The following GBE1 variants were observed in gnomAD, a reference collection of about 807,000 sequenced individuals.
The protein encoded by GBE1 is 1,4-alpha-glucan-branching enzyme.
Under a neutral mutation model 88.8 loss-of-function variants are expected in GBE1, and 70 were observed. The ratio of observed to expected loss-of-function variants is 0.79; its 90% confidence interval spans 0.65 to 0.96. The LOEUF is 0.96. GBE1 is among the 40% of genes least tolerant of loss of function. The pLI is 0.00. For missense variants in GBE1, 872 were observed against 871.0 expected, an observed-to-expected ratio of 1.00 and a Z score of -0.01; for synonymous variants, 284 against 300.1, an observed-to-expected ratio of 0.95 and a Z score of 0.56.
At chr3:81,531,146 T>C (rs1290658860) in intron 14 of GBE1, among the ~76,000 whole-genome samples, 1 of 151,688 alleles carries the variant, frequency 6.6e-6, no homozygotes, top group Non-Finnish European at 1.5e-5. Flanking sequence ...TTACTGCTGA[T>C]GTTTGTTCAA....
chr3:81,539,103 T>G (rs558159802), intron 12 of GBE1, among the ~76,000 whole-genome samples: 1 of 152,050 alleles, frequency 6.6e-6, no homozygotes, highest in African/African-American at 2.4e-5. Flanking sequence ...ATTTCAATTT[T>G]ACAGATAAGG....
chr3:81,658,000 C>T (rs941265087), intron 3 of GBE1, among the ~76,000 whole-genome samples: 7 of 151,952 alleles, frequency 4.6e-5, no homozygotes, highest in African/African-American at 1.7e-4. Flanking sequence ...AGTAGCTTAA[C>T]TAAAAAAGGA....
chr3:81,668,527 G>A (rs1252323488), intron 3 of GBE1, among the ~76,000 whole-genome samples: 1 of 152,098 alleles, frequency 6.6e-6, no homozygotes, highest in African/African-American at 2.4e-5. Context: ...CTGTCAATGG[G>A]AAACATTCAG....
intron 7 of GBE1, among the ~76,000 whole-genome samples, chr3:81,615,965 T>C (rs1704243046): frequency 6.6e-6 from 1 of 152,210 alleles, no homozygotes; most frequent in East Asian, 1.9e-4. Context: ...AGCAGTCTGA[T>C]AGATATGTAG....
intron 1 of GBE1, among the ~76,000 whole-genome samples, chr3:81,741,838 TTA>T (rs1488911105): frequency 6.8e-6 from 1 of 147,534 alleles, no homozygotes; most frequent in Non-Finnish European, 1.5e-5. Context: ...ATTATATAGA[TTA>T]TATATAATAT....
chr3:81,693,827 A>G (rs1705554775), intron 2 of GBE1, among the ~76,000 whole-genome samples: 1 of 152,144 alleles, frequency 6.6e-6, no homozygotes, highest in Non-Finnish European at 1.5e-5. Context: ...AACACTATTT[A>G]GAGGAAAATA....
intron 7 of GBE1, 107 bp downstream of exon 7, chr3:81,642,674 C>A: frequency 1.4e-6 from 1 of 719,642 alleles, no homozygotes; most frequent in Non-Finnish European, 2.4e-6. Flanking sequence ...CAATTAAGAA[C>A]ATTAAGTACC....
intron 1 of GBE1, among the ~76,000 whole-genome samples, chr3:81,730,145 G>A (rs183629602): frequency 7.8e-4 from 118 of 152,158 alleles, no homozygotes; most frequent in African/African-American, 2.7e-3. Context: ...TATAGATGAT[G>A]AGCTTACACT....
chr3:81,623,925 C>T (rs937262835), intron 7 of GBE1, among the ~76,000 whole-genome samples: 1 of 152,158 alleles, frequency 6.6e-6, no homozygotes, highest in East Asian at 1.9e-4. Flanking sequence ...CCTGTCTTGG[C>T]CTCCCAAAGT....
chr3:81,748,011 T>C (rs1483553129), intron 1 of GBE1, among the ~76,000 whole-genome samples: 1 of 152,012 alleles, frequency 6.6e-6, no homozygotes, highest in African/African-American at 2.4e-5. Flanking sequence ...TCCCAGCTAC[T>C]AGGGAGGTTG....
intron 1 of GBE1, among the ~76,000 whole-genome samples, chr3:81,747,789 G>A (rs1187808207): frequency 1.3e-5 from 2 of 150,034 alleles, no homozygotes; most frequent in African/African-American, 2.5e-5. Context: ...TGTGACCCCC[G>A]CCCCTGCCCA....
At chr3:81,606,358 A>G (rs192302783) in intron 7 of GBE1, among the ~76,000 whole-genome samples, 15 of 152,358 alleles carry the variant, frequency 9.8e-5, no homozygotes, top group African/African-American at 3.4e-4. Flanking sequence ...GGTGCTATAC[A>G]TTGTCATCAA....
At chr3:81,597,629 T>C (rs566370126) in intron 7 of GBE1, among the ~76,000 whole-genome samples, 7 of 151,364 alleles carry the variant, frequency 4.6e-5, no homozygotes, top group African/African-American at 1.4e-4. Flanking sequence ...GCATAGTCAA[T>C]TGATTAGCAC....
chr3:81,692,081 TACA>T lies in GBE1; in HGVS notation c.313+13360_313+13362del, dbSNP rs796957785. 1.4e-3 allele frequency among the ~76,000 whole-genome samples: 217 copies of T among 152,240 alleles called. 2 individuals are homozygous for T. The highest frequency in any genetic ancestry group is 5.2e-3 in the African/African-American group (214 of 41,532). ...CACAGCCCAGACTTCAGCATCTTCT[TACA>T]ACAAGGGACACTCACATTCTGAAAC... On this transcript the variant is annotated intron_variant, in intron 2 of 15. Coordinates refer to ENST00000429644, the MANE Select transcript of GBE1 (RefSeq NM_000158.4).
intron 12 of GBE1, among the ~76,000 whole-genome samples, chr3:81,545,323 C>T (rs1703192590): frequency 6.6e-6 from 1 of 152,140 alleles, no homozygotes; most frequent in Non-Finnish European, 1.5e-5. Context: ...CTCTGTCATT[C>T]TCCACAGCAA....
At chr3:81,553,956 T>C (rs1703313149) in intron 12 of GBE1, among the ~76,000 whole-genome samples, 1 of 152,134 alleles carries the variant, frequency 6.6e-6, no homozygotes, top group South Asian at 2.1e-4. Flanking sequence ...AATAAAAATA[T>C]AAGACGAGGA....
At chr3:81,633,538 A>C (rs1029645085) in intron 7 of GBE1, among the ~76,000 whole-genome samples, 1 of 152,176 alleles carries the variant, frequency 6.6e-6, no homozygotes, top group African/African-American at 2.4e-5. Context: ...AGGTTACCAA[A>C]TTTTAACTAT....
intron 7 of GBE1, among the ~76,000 whole-genome samples, chr3:81,614,565 A>G (rs1704224376): frequency 6.6e-6 from 1 of 152,060 alleles, no homozygotes; most frequent in East Asian, 1.9e-4. Flanking sequence ...CTTTTCTACA[A>G]AAAAAATAAG....
chr3:81,692,780 T>C (rs1705540841), intron 2 of GBE1, among the ~76,000 whole-genome samples: 1 of 152,210 alleles, frequency 6.6e-6, no homozygotes, highest in Non-Finnish European at 1.5e-5. Flanking sequence ...TATTTCTAAC[T>C]TAAAGAAAGG....
Sources: gnomAD v4.1 joint callset for allele counts (sites outside exome capture counted in the v4.1 genomes callset) on GRCh38, gnomAD v4.1.1 for gene constraint, MANE v1.5 for transcripts, NCBI Gene and HGNC (gene_info 2026-07-23, HGNC 2026-07-21) for gene names.